Variants in TOX observed in about 807,000 individuals in gnomAD.
TOX encodes the protein thymocyte selection associated high mobility group box.
Under a neutral mutation model 53.7 loss-of-function variants are expected in TOX, and 11 were observed. The observed-to-expected ratio is 0.20, with a 90% CI of 0.13 to 0.34. TOX has a LOEUF of 0.34. Among genes scored for constraint, TOX ranks in the 10% least tolerant of loss-of-function variants. The pLI, the probability that TOX is intolerant of heterozygous loss-of-function variation, is 1.00. For synonymous variants in TOX, 225 were observed against 245.3 expected (o/e 0.92, Z 0.77); for missense variants, 570 against 664.6 (o/e 0.86, Z 1.56).
At chr8:58,858,121 T>C (rs1235464896) in intron 3 of TOX, among the ~76,000 whole-genome samples, 2 of 152,174 alleles carry the variant, frequency 1.3e-5, no homozygotes, top group East Asian at 1.9e-4. Flanking sequence ...TGTGCTCATC[T>C]CAGGTTATTA....
In TOX at chr8:59,118,763, T is replaced by TGCGAGCCGAGCGCGCC. The variant is rs1273991012; in HGVS notation, c.102+107_102+122dup. On this transcript the variant is annotated intron_variant, in intron 1 of 8. Coordinates refer to ENST00000361421, the MANE Select transcript of TOX (RefSeq NM_014729.3). The surrounding 1 kb of genome is among the most constrained non-coding windows in gnomAD (Gnocchi z 4.1). ...CAAGCGCACGCAGGCTGCAGCGGGC[T>TGCGAGCCGAGCGCGCC]GCGAGCCGAGCGCGCCCGGGACCGG... 1 of 528,202 alleles carries TGCGAGCCGAGCGCGCC rather than the reference T, an allele frequency of 1.9e-6. No homozygotes were observed. The highest frequency in any genetic ancestry group is 4.5e-5 in the Admixed American group (1 of 22,348). 32.7% of individuals were successfully genotyped at this position (528,202 alleles called of 1,614,324 possible). A position where few individuals can be genotyped will look rare whatever the true frequency, so the allele number is the denominator to read the frequency against.
At chr8:58,978,451 C>T (rs904386893) in intron 1 of TOX, among the ~76,000 whole-genome samples, 2 of 152,186 alleles carry the variant, frequency 1.3e-5, no homozygotes, top group African/African-American at 4.8e-5. Context: ...GGAATATGCA[C>T]GCACAGTGGT....
intron 1 of TOX, among the ~76,000 whole-genome samples, chr8:59,013,139 G>A (rs1813940947): frequency 6.6e-6 from 1 of 152,044 alleles, no homozygotes; most frequent in Non-Finnish European, 1.5e-5. Context: ...ATTTCCAGCA[G>A]GCCACTAGGT....
At position 58,815,744 on chromosome 8, in the gene TOX, G is replaced by A. The variant is rs1368012021; in HGVS notation, c.1006-20C>T. On this transcript the variant is annotated intron_variant, in intron 6 of 8. Transcript: ENST00000361421. ...GTAGCTCTGTTGAGGAAATAAATGA[G>A]CAGAGTTGGGAGGCTGATACATGAG... The A allele has an allele frequency of 1.3e-6, 2 of 1,584,528 alleles. No individual in the cohort carries two copies. The highest frequency in any genetic ancestry group is 1.7e-6 in the Non-Finnish European group (2 of 1,165,356).
chr8:59,050,255 A>T (rs1318736382), intron 1 of TOX, among the ~76,000 whole-genome samples: 1 of 152,176 alleles, frequency 6.6e-6, no homozygotes, highest in East Asian at 1.9e-4. Context: ...CAATGAAGCA[A>T]CAGCTCCAAG....
chr8:59,047,641 A>G (rs890911214), intron 1 of TOX, among the ~76,000 whole-genome samples: 1 of 151,360 alleles, frequency 6.6e-6, no homozygotes, highest in Non-Finnish European at 1.5e-5. Flanking sequence ...AGGCGCCATC[A>G]TAGCACACTA....
rs1045434341 is a variant in TOX at position 58,965,951 on chromosome 8, A to T, written c.103-5943T>A. On this transcript the variant is annotated intron_variant, in intron 1 of 8. Transcript: ENST00000361421. ...GGTAACAGAAGAAATAAGGTTGGGC[A>T]ATGAAGACTTTGTTGTTTCCTAGAA... is the stretch of plus-strand genomic sequence containing the variant. Among the ~76,000 whole-genome samples, 3 of 123,906 alleles carry T rather than the reference A, an allele frequency of 2.4e-5. No individual in the cohort carries two copies. The Admixed American group carries it at 3.2e-4, about 13-fold the overall frequency. 81.3% of individuals were successfully genotyped at this position (123,906 alleles called of 152,430 possible).
At chr8:58,818,652 C>T (rs187528307) in intron 6 of TOX, among the ~76,000 whole-genome samples, 81 of 152,262 alleles carry the variant, frequency 5.3e-4, no homozygotes, top group African/African-American at 1.9e-3. Context: ...GCCACCATTG[C>T]CCTTGCTGAC....
Position 59,054,261 on chromosome 8 carries a change from G to A in TOX, c.102+64625C>T, listed in dbSNP as rs141722717. 1.6e-3 allele frequency among the ~76,000 whole-genome samples: 244 copies of A among 152,314 alleles called. 1 individual carries two copies. Among genetic ancestry groups the A allele is most frequent in the Non-Finnish European group, 2.9e-3 (194 of 68,032 alleles). On this transcript the variant is annotated intron_variant, in intron 1 of 8. Coordinates refer to ENST00000361421, the MANE Select transcript of TOX (RefSeq NM_014729.3). Reference sequence around the variant, plus strand: ...ATAAACAGTTCATGAATAGGCATGAGCACAGAGGTCATTAGCATATAGGGA... The same window carrying A: ...ATAAACAGTTCATGAATAGGCATGAACACAGAGGTCATTAGCATATAGGGA...
At chr8:59,000,654 C>T (rs1021066647) in intron 1 of TOX, among the ~76,000 whole-genome samples, 1 of 152,172 alleles carries the variant, frequency 6.6e-6, no homozygotes, top group Non-Finnish European at 1.5e-5. Context: ...CAGTAGGTAA[C>T]TTGCTCCAGG....
chr8:58,941,896 T>C (rs1046988701), intron 2 of TOX, among the ~76,000 whole-genome samples: 8 of 151,842 alleles, frequency 5.3e-5, no homozygotes, highest in Middle Eastern at 3.4e-3. Context: ...CTATTAAAAA[T>C]ACAAAAATTA....
intron 1 of TOX, among the ~76,000 whole-genome samples, chr8:58,989,341 T>C (rs1460956547): frequency 6.6e-6 from 1 of 151,792 alleles, no homozygotes; most frequent in Non-Finnish European, 1.5e-5. Context: ...TTAGAAAACA[T>C]AAACTCTTTT....
At chr8:59,013,729 G>T (rs1302564341) in intron 1 of TOX, among the ~76,000 whole-genome samples, 1 of 152,142 alleles carries the variant, frequency 6.6e-6, no homozygotes, top group African/African-American at 2.4e-5. Flanking sequence ...TTTCTATGAG[G>T]CATCATTAAT....
At chr8:58,923,452 C>A (rs147779527) in intron 3 of TOX, among the ~76,000 whole-genome samples, 46 of 152,244 alleles carry the variant, frequency 3.0e-4, no homozygotes, top group African/African-American at 1.1e-3. Context: ...CTGGGAGGGA[C>A]AATGGTTCCT....
At chr8:58,969,698 C>T (rs772923315) in intron 1 of TOX, among the ~76,000 whole-genome samples, 1 of 152,032 alleles carries the variant, frequency 6.6e-6, no homozygotes, top group African/African-American at 2.4e-5. Context: ...CTTCTATCTC[C>T]TCTACACCGA....
chr8:59,002,446 G>T (rs1439479523), intron 1 of TOX, among the ~76,000 whole-genome samples: 3 of 151,254 alleles, frequency 2.0e-5, no homozygotes, highest in Non-Finnish European at 2.9e-5. Flanking sequence ...CAAAAAATTA[G>T]CGGAGCGTGG....
chr8:58,808,916 C>A (rs1810033279), intron 7 of TOX, among the ~76,000 whole-genome samples: 1 of 152,128 alleles, frequency 6.6e-6, no homozygotes, highest in Non-Finnish European at 1.5e-5. Flanking sequence ...TACGACAGAG[C>A]AAATATTTTT....
chr8:58,982,545 T>C (rs910474388), intron 1 of TOX, among the ~76,000 whole-genome samples: 11 of 152,350 alleles, frequency 7.2e-5, no homozygotes, highest in African/African-American at 2.6e-4. Flanking sequence ...CCTTAGTCAC[T>C]GAAGCTTCTA....
chr8:58,963,302 G>GATATATATAT (rs748048781), intron 1 of TOX, among the ~76,000 whole-genome samples: 1 of 122,048 alleles, frequency 8.2e-6, no homozygotes, highest in Admixed American at 7.7e-5. Context: ...AAGATAGATA[G>GATATATATAT]ATAGATATAT....
Sources: gnomAD v4.1 joint callset for allele counts (sites outside exome capture counted in the v4.1 genomes callset) on GRCh38, gnomAD v4.1.1 for gene constraint, Gnocchi (gnomAD v3.1) non-coding constraint, MANE v1.5 for transcripts, NCBI Gene and HGNC (gene_info 2026-07-23, HGNC 2026-07-21) for gene names.